The following LINGO2 variants were observed in gnomAD, a reference collection of about 807,000 sequenced individuals.
LINGO2 encodes leucine rich repeat and Ig domain containing 2, also known as leucine-rich repeat and immunoglobulin-like domain-containing nogo receptor-interacting protein 2.
In LINGO2, 14 loss-of-function variants were observed where a neutral mutation model predicts 30.6. The observed-to-expected ratio is 0.46, with a 90% CI of 0.30 to 0.72. The LOEUF is 0.72. Ranked by LOEUF, LINGO2 falls within the 30% of genes least tolerant of loss-of-function variation. The pLI is 0.07. For missense variants in LINGO2, 729 were observed against 751.7 expected (o/e 0.97, Z 0.35); for synonymous variants, 317 against 288.5 (o/e 1.10, Z -1.00).
At chr9:28,714,926 A>T in the LINGO2 span, among the ~76,000 whole-genome samples, 1 of 152,162 alleles carries the variant, frequency 6.6e-6, no homozygotes, top group Non-Finnish European at 1.5e-5. Context: ...TAGATGAACA[A>T]TGTGATATTT....
chr9:28,409,124 A>G lies in LINGO2; in HGVS notation c.-278-36256T>C, dbSNP rs112591380. Among the ~76,000 whole-genome samples the G allele has an allele frequency of 5.5e-3, 832 of 152,244 alleles. 13 individuals carry two copies. Among genetic ancestry groups the G allele is most frequent in the African/African-American group, 0.019 (797 of 41,564 alleles). ...TTCATGTAGGCATTATGTGAAAAAT[A>G]AATTTTGAACACATGGCTCATGTGT... On this transcript the variant is annotated intron_variant, in intron 2 of 5. Coordinates refer to ENST00000379992, the Ensembl canonical transcript of LINGO2.
chr9:28,848,389 GTGTGTGTGTATATATATATA>G, the LINGO2 span, among the ~76,000 whole-genome samples: 528 of 52,266 alleles, frequency 0.01, 5 homozygotes, highest in African/African-American at 0.03. Context: ...GTGTGTGTGT[GTGTGTGTGTATATATATATA>G]TATATATATA....
chr9:28,090,323 T>C (rs1826041610), intron 4 of LINGO2, among the ~76,000 whole-genome samples: 1 of 152,180 alleles, frequency 6.6e-6, no homozygotes, highest in Non-Finnish European at 1.5e-5. Flanking sequence ...AATAAAATAC[T>C]GGCAAACTGA....
At chr9:28,432,267 T>G (rs2134957981) in intron 2 of LINGO2, among the ~76,000 whole-genome samples, 1 of 152,124 alleles carries the variant, frequency 6.6e-6, no homozygotes. Context: ...TGGGTCAAAC[T>G]TGTGGAAAAC....
the LINGO2 span, among the ~76,000 whole-genome samples, chr9:29,061,164 A>G: frequency 6.6e-6 from 1 of 152,016 alleles, no homozygotes; most frequent in African/African-American, 2.4e-5. Flanking sequence ...ATACTGCTCA[A>G]CAATAGAGAG....
chr9:28,411,592 C>T (rs1227611652), intron 2 of LINGO2, among the ~76,000 whole-genome samples: 1 of 152,044 alleles, frequency 6.6e-6, no homozygotes, highest in Non-Finnish European at 1.5e-5. Flanking sequence ...TTGCATAAAC[C>T]ATAATTACCT....
chr9:28,792,051 A>G, the LINGO2 span, among the ~76,000 whole-genome samples: 2 of 143,486 alleles, frequency 1.4e-5, no homozygotes, highest in Non-Finnish European at 3.0e-5. Flanking sequence ...TATGCAGAGT[A>G]TATATATATA....
the LINGO2 span, among the ~76,000 whole-genome samples, chr9:28,848,831 C>T: frequency 6.6e-6 from 1 of 151,736 alleles, no homozygotes; most frequent in Non-Finnish European, 1.5e-5. Context: ...CCCACGCCTT[C>T]CTCTCCTTCC....
At chr9:28,504,650 T>A (rs1020073965) in intron 1 of LINGO2, among the ~76,000 whole-genome samples, 1 of 151,584 alleles carries the variant, frequency 6.6e-6, no homozygotes, top group Non-Finnish European at 1.5e-5. Context: ...AAAATATAAA[T>A]ATTTTTATAT....
chr9:29,056,948 T>C, the LINGO2 span, among the ~76,000 whole-genome samples: 1 of 152,186 alleles, frequency 6.6e-6, no homozygotes, highest in African/African-American at 2.4e-5. Flanking sequence ...TTGGTCTATG[T>C]GTCTATTTTT....
In LINGO2 at chr9:28,595,208, T is replaced by C. The variant is rs10968665; in HGVS notation, c.-365+74992A>G. Among the ~76,000 whole-genome samples, 396 of 152,198 alleles carry C rather than the reference T, an allele frequency of 2.6e-3. 3 individuals are homozygous for C. The highest frequency in any genetic ancestry group is 9.2e-3 in the African/African-American group (382 of 41,558). The stretch of plus-strand genomic sequence containing the variant: ...ATGATATAAAAATAGCACATAATCA[T>C]GTGAAGTTAAGTGGATGCCACCCAG... On this transcript the variant is annotated intron_variant, in intron 1 of 5. Transcript: ENST00000379992.
chr9:28,875,944 A>G, the LINGO2 span, among the ~76,000 whole-genome samples: 2 of 152,248 alleles, frequency 1.3e-5, no homozygotes, highest in Admixed American at 6.6e-5. Context: ...ATTTAACAGA[A>G]GAGGTATTAA....
At chr9:28,614,024 C>T (rs1317156121) in intron 1 of LINGO2, among the ~76,000 whole-genome samples, 1 of 152,006 alleles carries the variant, frequency 6.6e-6, no homozygotes, top group Admixed American at 6.6e-5. Flanking sequence ...AGGCAAAGGG[C>T]TATAATTTGA....
At chr9:28,316,870 T>C (rs972203454) in intron 3 of LINGO2, among the ~76,000 whole-genome samples, 5 of 152,170 alleles carry the variant, frequency 3.3e-5, no homozygotes, top group Non-Finnish European at 7.4e-5. Context: ...AGCACCCTTA[T>C]CTGCTAGCCA....
chr9:28,870,773 G>C, the LINGO2 span, among the ~76,000 whole-genome samples: 1 of 151,898 alleles, frequency 6.6e-6, no homozygotes, highest in Non-Finnish European at 1.5e-5. Flanking sequence ...CTTTTAAATC[G>C]TACTAAAGAA....
At chr9:28,136,656 C>G (rs1207972882) in intron 4 of LINGO2, among the ~76,000 whole-genome samples, 1 of 152,140 alleles carries the variant, frequency 6.6e-6, no homozygotes, top group Admixed American at 6.5e-5. Flanking sequence ...CAATGTTAGA[C>G]TTTCTTATGT....
chr9:28,636,659 T>A (rs565324999), intron 1 of LINGO2, among the ~76,000 whole-genome samples: 4 of 152,026 alleles, frequency 2.6e-5, no homozygotes, highest in Middle Eastern at 3.4e-3. Flanking sequence ...TTTGCCCACT[T>A]GTTGATGGGG....
At chr9:28,200,200 G>T (rs1452538811) in intron 4 of LINGO2, among the ~76,000 whole-genome samples, 4 of 152,132 alleles carry the variant, frequency 2.6e-5, no homozygotes, top group African/African-American at 9.7e-5. Context: ...GCCAATAAGG[G>T]TTTTAAACTG....
chr9:27,942,937 C>A, the LINGO2 span: 1 of 152,128 alleles, frequency 6.6e-6, no homozygotes, highest in African/African-American at 2.4e-5. Flanking sequence ...GATTTTGTAA[C>A]TGGGGAGAAA....
Sources: gnomAD v4.1 joint callset for allele counts (sites outside exome capture counted in the v4.1 genomes callset) on GRCh38, gnomAD v4.1.1 for gene constraint, MANE v1.5 for transcripts, NCBI Gene and HGNC (gene_info 2026-07-23, HGNC 2026-07-21) for gene names.